RPTOR: variants seen among roughly 807,000 people sequenced by gnomAD.
RPTOR encodes the protein regulatory associated protein of MTOR complex 1.
Under a neutral mutation model 169.9 loss-of-function variants are expected in RPTOR, and 21 were observed. The observed-to-expected ratio is 0.12, with a 90% CI of 0.09 to 0.18. The LOEUF is 0.18. Ranked by LOEUF, RPTOR falls within the 10% of genes least tolerant of loss-of-function variation. The pLI is 1.00. For missense variants in RPTOR, 1,133 were observed against 1,855.9 expected, an observed-to-expected ratio of 0.61 and a Z score of 7.16; for synonymous variants, 732 against 753.2, an observed-to-expected ratio of 0.97 and a Z score of 0.46.
At position 80,935,776 on chromosome 17, in the gene RPTOR, GA is replaced by G. The variant is rs145397030; in HGVS notation, c.2920-4711del. Among the ~76,000 whole-genome samples, 20 of 150,976 alleles carry G rather than the reference GA, an allele frequency of 1.3e-4. No individual in the cohort carries two copies. In the East Asian group the frequency reaches 1.9e-3, roughly 15 times the overall value. The stretch of plus-strand genomic sequence containing the variant: ...ACTATAAAACTTCTAGAAGGAAACA[GA>G]AAAAAAAATATTTCTGACCTTGTAG... On this transcript the variant is annotated intron_variant, in intron 24 of 33. Coordinates refer to ENST00000306801, the MANE Select transcript of RPTOR (RefSeq NM_020761.3).
intron 2 of RPTOR, among the ~76,000 whole-genome samples, chr17:80,638,260 C>T (rs1264576802): frequency 3.9e-5 from 6 of 152,216 alleles, no homozygotes; most frequent in Non-Finnish European, 8.8e-5. Flanking sequence ...CGCACACCAG[C>T]TGGGCTCCCT....
chr17:80,746,603 G>A lies in RPTOR; in HGVS notation c.655-7407G>A, dbSNP rs1017294158. Among the ~76,000 whole-genome samples the A allele has an allele frequency of 1.3e-4, 20 of 152,118 alleles. No homozygotes were observed. Among genetic ancestry groups the A allele is most frequent in the African/African-American group, 4.1e-4 (17 of 41,398 alleles). On this transcript the variant is annotated intron_variant, in intron 5 of 33. Transcript: ENST00000306801. This position sits in a 1 kb window ranked among gnomAD's most constrained non-coding sequence, Gnocchi z 4.5. ...TTGTGTTTGAGTCCCTAGGCTCCCC[G>A]GAGAAACCCCTTTGGGTGCACGCTC...
At chr17:80,686,057 T>C (rs1164403178) in intron 3 of RPTOR, among the ~76,000 whole-genome samples, 1 of 152,074 alleles carries the variant, frequency 6.6e-6, no homozygotes, top group Non-Finnish European at 1.5e-5. Flanking sequence ...TTTTTGAGAT[T>C]ACGTGTCTCT....
chr17:80,761,226 C>G (rs764575011), intron 6 of RPTOR, among the ~76,000 whole-genome samples: 12 of 152,126 alleles, frequency 7.9e-5, no homozygotes, highest in Non-Finnish European at 1.8e-4. Context: ...AAAATTATAA[C>G]CCAGTGGGAC....
At chr17:80,862,049 G>A (rs1477883875) in intron 13 of RPTOR, among the ~76,000 whole-genome samples, 2 of 152,112 alleles carry the variant, frequency 1.3e-5, no homozygotes, top group Non-Finnish European at 2.9e-5. Flanking sequence ...GCGTGCCTTC[G>A]TTTTACACCC....
At chr17:80,555,400 C>T (rs137994775) in intron 1 of RPTOR, among the ~76,000 whole-genome samples, 32 of 152,164 alleles carry the variant, frequency 2.1e-4, no homozygotes, top group Admixed American at 4.6e-4. Flanking sequence ...AGTGTGTGTC[C>T]GGAGGGAGAT....
intron 2 of RPTOR, among the ~76,000 whole-genome samples, chr17:80,638,618 A>G (rs1413247491): frequency 1.3e-5 from 2 of 151,958 alleles, no homozygotes; most frequent in Admixed American, 6.6e-5. Flanking sequence ...GCCCAGGTTT[A>G]ACATACTGTT....
chr17:80,811,355 C>A (rs1334465982), intron 7 of RPTOR, among the ~76,000 whole-genome samples: 1 of 152,174 alleles, frequency 6.6e-6, no homozygotes, highest in Non-Finnish European at 1.5e-5. Flanking sequence ...TACAGCTGTT[C>A]ACCCTGTTCA....
intron 1 of RPTOR, among the ~76,000 whole-genome samples, chr17:80,563,779 C>T (rs2084534904): frequency 1.3e-5 from 2 of 152,146 alleles, no homozygotes. Context: ...ACTCTCACAA[C>T]CAGATCCAGA....
chr17:80,621,343 A>C (rs2065352695), intron 1 of RPTOR, among the ~76,000 whole-genome samples: 1 of 152,256 alleles, frequency 6.6e-6, no homozygotes, highest in South Asian at 2.1e-4. Context: ...GAGAATGTTA[A>C]ATTTTAAAAA....
chr17:80,621,915 G>A (rs2065357377), intron 1 of RPTOR, among the ~76,000 whole-genome samples: 1 of 152,232 alleles, frequency 6.6e-6, no homozygotes. Flanking sequence ...TGCCAGACAA[G>A]CCCCAGGGCA....
chr17:80,895,601 G>T (rs1167877858), intron 20 of RPTOR, among the ~76,000 whole-genome samples: 1 of 152,250 alleles, frequency 6.6e-6, no homozygotes, highest in Non-Finnish European at 1.5e-5. Flanking sequence ...GTGTTCTTCA[G>T]CGTGGATACA....
chr17:80,698,215 G>T (rs1274593573), intron 3 of RPTOR, among the ~76,000 whole-genome samples: 5 of 152,168 alleles, frequency 3.3e-5, no homozygotes, highest in African/African-American at 1.2e-4. Context: ...GAGGTGACAG[G>T]CCAGGTAGGC....
intron 7 of RPTOR, chr17:80,801,944 T>C (rs1046683082): frequency 2.0e-5 from 3 of 152,172 alleles, no homozygotes; most frequent in South Asian, 2.1e-4. Context: ...GGGGTCCTTA[T>C]GCCCGGGCGC....
At chr17:80,809,512 A>G (rs1381114420) in intron 7 of RPTOR, among the ~76,000 whole-genome samples, 1 of 152,230 alleles carries the variant, frequency 6.6e-6, no homozygotes, top group Admixed American at 6.5e-5. Flanking sequence ...GTATAACACA[A>G]TATCATTATT....
Position 80,754,756 on chromosome 17 carries a change from C to T in RPTOR, c.830+571C>T, listed in dbSNP as rs1045303226. Among the ~76,000 whole-genome samples the T allele has an allele frequency of 6.6e-6, 1 of 152,192 alleles. No homozygotes were observed. Among genetic ancestry groups the T allele is most frequent in the African/African-American group, 2.4e-5 (1 of 41,442 alleles). On this transcript the variant is annotated intron_variant, in intron 6 of 33. Coordinates refer to ENST00000306801, the MANE Select transcript of RPTOR (RefSeq NM_020761.3). This position sits in a 1 kb window ranked among gnomAD's most constrained non-coding sequence, Gnocchi z 4.2. ...ACAGTGGGATATGTGTGTTTCCTGC[C>T]TCCAAATCCAATATTCTCCCCTAGA... is the stretch of plus-strand genomic sequence containing the variant.
At chr17:80,759,441 A>G (rs1012369889) in intron 6 of RPTOR, among the ~76,000 whole-genome samples, 1 of 152,180 alleles carries the variant, frequency 6.6e-6, no homozygotes, top group Admixed American at 6.5e-5. Context: ...TGAAATCAAT[A>G]TGCCACAGTG....
chr17:80,790,653 A>G (rs1489780102), intron 6 of RPTOR, among the ~76,000 whole-genome samples: 1 of 151,910 alleles, frequency 6.6e-6, no homozygotes, highest in East Asian at 1.9e-4. Flanking sequence ...CTTCCAGCCA[A>G]CACTTCTGCC....
At chr17:80,814,773 C>T (rs2067307193) in intron 7 of RPTOR, among the ~76,000 whole-genome samples, 1 of 152,196 alleles carries the variant, frequency 6.6e-6, no homozygotes, top group African/African-American at 2.4e-5. Context: ...TTTCAGAGCG[C>T]TCCAAGCCTC....
Sources: gnomAD v4.1 joint callset for allele counts (sites outside exome capture counted in the v4.1 genomes callset) on GRCh38, gnomAD v4.1.1 for gene constraint, Gnocchi (gnomAD v3.1) non-coding constraint, MANE v1.5 for transcripts, NCBI Gene and HGNC (gene_info 2026-07-23, HGNC 2026-07-21) for gene names.